SHISA9: variants seen among roughly 807,000 people sequenced by gnomAD.
The protein encoded by SHISA9 is protein shisa-9.
SHISA9 carries 13 observed loss-of-function variants against 38.0 expected under a neutral mutation model. That is an observed-to-expected ratio of 0.34 (90% CI 0.22 to 0.54). The LOEUF is 0.54. Ranked by LOEUF, SHISA9 falls within the 20% of genes least tolerant of loss-of-function variation. The probability of loss-of-function intolerance (pLI) is 0.91; values close to 1 mark genes in which losing one functional copy is unlikely to be tolerated. For missense variants in SHISA9, 538 were observed against 575.8 expected, an observed-to-expected ratio of 0.93 and a Z score of 0.67; for synonymous variants, 275 against 242.0, an observed-to-expected ratio of 1.14 and a Z score of -1.27.
At chr16:13,032,247 T>A (rs1286637496) in intron 2 of SHISA9, among the ~76,000 whole-genome samples, 2 of 152,074 alleles carry the variant, frequency 1.3e-5, no homozygotes, top group Non-Finnish European at 2.9e-5. Flanking sequence ...ATGGTTCAAT[T>A]CCCACTTATG....
At chr16:12,976,653 A>G (rs2072165832) in intron 2 of SHISA9, among the ~76,000 whole-genome samples, 1 of 152,116 alleles carries the variant, frequency 6.6e-6, no homozygotes, top group Admixed American at 6.6e-5. Context: ...TAGGTGTTCT[A>G]AGGTGTAGAT....
chr16:13,076,957 G>A (rs141681205), intron 2 of SHISA9, among the ~76,000 whole-genome samples: 6 of 152,274 alleles, frequency 3.9e-5, no homozygotes, highest in African/African-American at 1.4e-4. Context: ...TTAGCTCGTA[G>A]TGTCAATGAC....
chr16:13,447,665 C>A, the SHISA9 span, among the ~76,000 whole-genome samples: 4 of 152,142 alleles, frequency 2.6e-5, no homozygotes, highest in African/African-American at 4.8e-5. Context: ...TTATAATCAG[C>A]AAATCATGGA....
chr16:13,309,271 C>G, the SHISA9 span, among the ~76,000 whole-genome samples: 1 of 151,750 alleles, frequency 6.6e-6, no homozygotes, highest in East Asian at 1.9e-4. Flanking sequence ...ATGAGTTGAT[C>G]TGTGCAGCAA....
chr16:12,930,633 A>G (rs2071450177), intron 2 of SHISA9, among the ~76,000 whole-genome samples: 1 of 152,202 alleles, frequency 6.6e-6, no homozygotes, highest in African/African-American at 2.4e-5. Context: ...TTTAATATTT[A>G]TGACATGACT....
chr16:13,338,018 T>C, the SHISA9 span, among the ~76,000 whole-genome samples: 1 of 152,232 alleles, frequency 6.6e-6, no homozygotes, highest in Non-Finnish European at 1.5e-5. Flanking sequence ...TTAATAGCAA[T>C]GCAAGAATGC....
At chr16:13,345,636 C>T in the SHISA9 span, among the ~76,000 whole-genome samples, 5 of 152,060 alleles carry the variant, frequency 3.3e-5, no homozygotes, top group African/African-American at 1.2e-4. Context: ...CTTGCTGGGT[C>T]GAATAGTATT....
chr16:13,494,970 A>T, the SHISA9 span, among the ~76,000 whole-genome samples: 1 of 152,246 alleles, frequency 6.6e-6, no homozygotes, highest in Non-Finnish European at 1.5e-5. Context: ...AAATAAGTCA[A>T]TCTGACAAGA....
the SHISA9 span, among the ~76,000 whole-genome samples, chr16:13,342,193 A>G: frequency 1.3e-5 from 2 of 152,182 alleles, no homozygotes; most frequent in African/African-American, 4.8e-5. Flanking sequence ...AAAACTGATC[A>G]TATCTATTAT....
At chr16:12,991,643 C>G (rs1238955535) in intron 2 of SHISA9, among the ~76,000 whole-genome samples, 1 of 152,172 alleles carries the variant, frequency 6.6e-6, no homozygotes, top group East Asian at 1.9e-4. Flanking sequence ...TCACTCTGTT[C>G]ATTGCTCTAT....
chr16:13,453,496 A>G, the SHISA9 span, among the ~76,000 whole-genome samples: 8 of 152,170 alleles, frequency 5.3e-5, no homozygotes, highest in Non-Finnish European at 1.2e-4. Context: ...AATCCCTGCC[A>G]TGGTCATGAG....
At chr16:12,924,781 A>AATGAAGAAGTGGGGGAC (rs1168539137) in intron 2 of SHISA9, among the ~76,000 whole-genome samples, 2 of 152,184 alleles carry the variant, frequency 1.3e-5, no homozygotes, top group African/African-American at 4.8e-5. Context: ...GAGGGAGTGC[A>AATGAAGAAGTGGGGGAC]ATGAAGAAGT....
At chr16:13,306,861 C>A in the SHISA9 span, among the ~76,000 whole-genome samples, 2 of 152,072 alleles carry the variant, frequency 1.3e-5, no homozygotes, top group East Asian at 1.9e-4. Flanking sequence ...ACACACACAC[C>A]CATACACGTA....
chr16:13,097,797 G>A (rs1019391541), intron 2 of SHISA9, among the ~76,000 whole-genome samples: 1 of 152,152 alleles, frequency 6.6e-6, no homozygotes, highest in Non-Finnish European at 1.5e-5. Flanking sequence ...GGAGTGGACA[G>A]GAATGAGTTT....
the SHISA9 span, among the ~76,000 whole-genome samples, chr16:13,542,605 C>G: frequency 4.6e-5 from 7 of 151,982 alleles, no homozygotes; most frequent in Non-Finnish European, 8.8e-5. Flanking sequence ...CCCCCCTACT[C>G]TATGCTGAAT....
the SHISA9 span, among the ~76,000 whole-genome samples, chr16:13,543,829 G>A: frequency 6.6e-6 from 1 of 152,240 alleles, no homozygotes; most frequent in Admixed American, 6.5e-5. Context: ...CTACACCCCT[G>A]AAAATGCTCC....
chr16:13,269,907 G>A, the SHISA9 span, among the ~76,000 whole-genome samples: 3 of 152,132 alleles, frequency 2.0e-5, no homozygotes, highest in Admixed American at 2.0e-4. Context: ...CCACAGATTT[G>A]GTGAAACTTG....
the SHISA9 span, among the ~76,000 whole-genome samples, chr16:13,292,106 C>G: frequency 1.3e-5 from 2 of 151,226 alleles, no homozygotes; most frequent in Non-Finnish European, 2.9e-5. Flanking sequence ...AAAGCAGAGA[C>G]CAAGTGTGGA....
chr16:13,277,204 T>C, the SHISA9 span, among the ~76,000 whole-genome samples: 1 of 152,102 alleles, frequency 6.6e-6, no homozygotes, highest in Non-Finnish European at 1.5e-5. Flanking sequence ...CTATTTGCTT[T>C]GTTGAAGATC....
Sources: allele counts gnomAD v4.1 joint callset (sites outside exome capture counted in the v4.1 genomes callset), GRCh38; gene constraint gnomAD v4.1.1; transcripts MANE v1.5; gene names NCBI Gene and HGNC (gene_info 2026-07-23, HGNC 2026-07-21).